Variants in APOL3 observed in about 807,000 individuals in gnomAD.
The protein encoded by APOL3 is TNF-inducible protein CG12-1.
Under a neutral mutation model 11.6 loss-of-function variants are expected in APOL3, and 14 were observed. That is an observed-to-expected ratio of 1.21 (90% CI 0.80 to 1.89). The LOEUF (loss-of-function observed/expected upper bound fraction) is 1.89. Among genes scored for constraint, APOL3 ranks in the 40% most tolerant of loss-of-function variants. The pLI is 0.00. For missense variants in APOL3, 483 were observed against 492.1 expected, an observed-to-expected ratio of 0.98 and a Z score of 0.17; for synonymous variants, 192 against 190.6, an observed-to-expected ratio of 1.01 and a Z score of -0.06.
intron 2 of APOL3, among the ~76,000 whole-genome samples, chr22:36,143,371 C>A (rs73883825): frequency 0.042 from 6,457 of 152,298 alleles, 453 homozygotes; most frequent in African/African-American, 0.15. Context: ...AAACCACAAT[C>A]GTGCAATAAC....
At chr22:36,147,949 A>C (rs1459165483) in intron 1 of APOL3, among the ~76,000 whole-genome samples, 1 of 152,236 alleles carries the variant, frequency 6.6e-6, no homozygotes, top group African/African-American at 2.4e-5. Flanking sequence ...AACTTCGGCC[A>C]GTCATGAGCA....
chr22:36,143,364 C>G (rs1263599337), intron 2 of APOL3, among the ~76,000 whole-genome samples: 1 of 152,212 alleles, frequency 6.6e-6, no homozygotes, highest in Non-Finnish European at 1.5e-5. Context: ...CTGTGATAAA[C>G]CACAATCGTG....
At chr22:36,160,951 G>C, upstream of APOL3, 1 of 1,524,634 alleles carries the variant, frequency 6.6e-7, no homozygotes, top group Non-Finnish European at 8.9e-7. Flanking sequence ...AGCCCCAGAC[G>C]TCCTTCTTGG....
intron 1 of APOL3, among the ~76,000 whole-genome samples, chr22:36,147,689 A>AT (rs1373118912): frequency 1.3e-5 from 2 of 152,014 alleles, no homozygotes; most frequent in African/African-American, 4.8e-5. Flanking sequence ...TTTTGCTTTT[A>AT]TTTTTTCCTC....
chr22:36,152,190 T>C (rs2011835265), intron 1 of APOL3, among the ~76,000 whole-genome samples: 1 of 152,060 alleles, frequency 6.6e-6, no homozygotes, highest in African/African-American at 2.4e-5. Flanking sequence ...CGATAGAACA[T>C]TGCATATAAT....
At chr22:36,165,276 A>C (rs1160510594), upstream of APOL3, 1 of 152,198 alleles carries the variant, frequency 6.6e-6, no homozygotes, top group Non-Finnish European at 1.5e-5. Flanking sequence ...CTAACTAACC[A>C]GGTCAATACC....
chr22:36,160,816 T>G, exon 1 of APOL3: 1 of 1,614,078 alleles, frequency 6.2e-7, no homozygotes, highest in South Asian at 1.1e-5. Context: ...AAAGTGAAAG[T>G]CACAACTTGG....
chr22:36,148,044 T>A (rs2060283950), intron 1 of APOL3, among the ~76,000 whole-genome samples: 1 of 152,232 alleles, frequency 6.6e-6, no homozygotes, highest in African/African-American at 2.4e-5. Flanking sequence ...ACAAATCAAA[T>A]AATGTCCTTA....
chr22:36,164,105 C>A (rs770255485), upstream of APOL3, among the ~76,000 whole-genome samples: 3 of 152,174 alleles, frequency 2.0e-5, no homozygotes, highest in Non-Finnish European at 2.9e-5. Flanking sequence ...GCAATCATTT[C>A]TCCTAATGTT....
upstream of APOL3, among the ~76,000 whole-genome samples, chr22:36,164,125 C>A (rs1416940707): frequency 6.6e-6 from 1 of 152,156 alleles, no homozygotes; most frequent in Non-Finnish European, 1.5e-5. Context: ...TTTTTTCCAA[C>A]ACCCATATTT....
chr22:36,159,065 A>C lies in APOL3; in HGVS notation c.223+1604T>G, dbSNP rs537439600. ...TTGCCAGCATGTCAAATGTAATTGC[A>C]CCTGAGTTTATAGCAAATGTTCCGT... On this transcript the variant is annotated intron_variant, in intron 1 of 2. Transcript: ENST00000349314. 6.6e-5 allele frequency among the ~76,000 whole-genome samples: 10 copies of C among 152,094 alleles called. No individual in the cohort carries two copies. The East Asian group carries it at 1.4e-3, about 21-fold the overall frequency.
At chr22:36,164,988 G>A (rs1487496059), upstream of APOL3, 2 of 152,076 alleles carry the variant, frequency 1.3e-5, no homozygotes, top group Non-Finnish European at 2.9e-5. Context: ...GTCTTAACAT[G>A]ACAAATCACA....
At chr22:36,158,743 A>C (rs913089661) in intron 1 of APOL3, among the ~76,000 whole-genome samples, 22 of 152,240 alleles carry the variant, frequency 1.4e-4, no homozygotes, top group African/African-American at 4.6e-4. Flanking sequence ...ACTTGAACCC[A>C]GGAGGCGGAG....
chr22:36,145,980 T>TTCTCTCTCTCTCTCTCTCTCTCTCTC lies in APOL3; in HGVS notation c.224-382_224-381insGAGAGAGAGAGAGAGAGAGAGAGAGA, dbSNP rs71193207. 1.2e-4 allele frequency among the ~76,000 whole-genome samples: 14 copies of TTCTCTCTCTCTCTCTCTCTCTCTCTC among 118,756 alleles called. No homozygotes were observed. In the East Asian group the frequency reaches 3.5e-3, roughly 30 times the overall value. The allele number at this position is 118,756 out of a possible 152,430, so 77.9% of individuals were successfully genotyped here. ...TCCAGCCCTCTCTCCCTGTCTCTCT[T>TTCTCTCTCTCTCTCTCTCTCTCTCTC]TCTCTCTCTCTCTCTCTCTCTCACA... On this transcript the variant is annotated intron_variant, in intron 1 of 2. Coordinates refer to ENST00000349314, the Ensembl canonical transcript of APOL3.
chr22:36,144,176 C>T (rs1363641413), intron 2 of APOL3, among the ~76,000 whole-genome samples: 1 of 152,104 alleles, frequency 6.6e-6, no homozygotes, highest in African/African-American at 2.4e-5. Context: ...ATCCCTCTCC[C>T]ACTCACTGGT....
intron 1 of APOL3, among the ~76,000 whole-genome samples, chr22:36,158,796 G>A (rs555973227): frequency 5.0e-4 from 76 of 152,220 alleles, no homozygotes; most frequent in Non-Finnish European, 1.0e-3. Flanking sequence ...CAGCCTGGGC[G>A]ACAGAGCAAG....
chr22:36,147,852 G>T (rs868102070), intron 1 of APOL3, among the ~76,000 whole-genome samples: 13 of 152,266 alleles, frequency 8.5e-5, no homozygotes, highest in African/African-American at 2.9e-4. Context: ...CTTCAGAAAG[G>T]CTGTAACCCC....
chr22:36,141,713 C>A (rs1220312805), exon 3 of APOL3: 1 of 1,613,968 alleles, frequency 6.2e-7, no homozygotes, highest in African/African-American at 1.3e-5. Context: ...TGATCCCAGT[C>A]ACAGCAGACG....
At chr22:36,141,642 G>C (rs376117400) in exon 3 of APOL3, 19 of 1,614,146 alleles carry the variant, frequency 1.2e-5, no homozygotes, top group Non-Finnish European at 1.5e-5. Context: ...GCTGGTTGCA[G>C]TCAGCCTGCT....
Sources: allele counts gnomAD v4.1 joint callset (sites outside exome capture counted in the v4.1 genomes callset), GRCh38; gene constraint gnomAD v4.1.1; transcripts MANE v1.5; gene names NCBI Gene and HGNC (gene_info 2026-07-23, HGNC 2026-07-21).